MOB1B: variants seen among roughly 807,000 people sequenced by gnomAD.
MOB1B encodes the protein MOB kinase activator 1B.
In MOB1B, 19 loss-of-function variants were observed where a neutral mutation model predicts 24.4. The observed-to-expected ratio is 0.78, with a 90% CI of 0.54 to 1.14. MOB1B has a LOEUF of 1.14. Ranked by LOEUF, MOB1B falls within the 50% of genes most tolerant of loss-of-function variation. MOB1B has a pLI of 0.00. For synonymous variants in MOB1B, 76 were observed against 82.1 expected (o/e 0.93, Z 0.40); for missense variants, 243 against 259.6 (o/e 0.94, Z 0.44).
chr4:70,920,474 C>T (rs1187639617), intron 1 of MOB1B, among the ~76,000 whole-genome samples: 3 of 152,226 alleles, frequency 2.0e-5, no homozygotes, highest in Admixed American at 1.3e-4. Flanking sequence ...ATCTGCCTGC[C>T]TCGGCCTCCT....
At chr4:70,914,758 T>C (rs1360548403) in intron 1 of MOB1B, among the ~76,000 whole-genome samples, 1 of 152,228 alleles carries the variant, frequency 6.6e-6, no homozygotes, top group Non-Finnish European at 1.5e-5. Flanking sequence ...AGTTGTTTGC[T>C]CTGTCCCTGT....
intron 1 of MOB1B, among the ~76,000 whole-genome samples, chr4:70,921,759 G>C (rs977489749): frequency 1.3e-5 from 2 of 151,914 alleles, no homozygotes; most frequent in Non-Finnish European, 2.9e-5. Context: ...CACCCACCTT[G>C]GCCTCCCAAA....
At chr4:70,977,861 C>G (rs1459840857) in intron 4 of MOB1B, among the ~76,000 whole-genome samples, 3 of 151,980 alleles carry the variant, frequency 2.0e-5, no homozygotes, top group Non-Finnish European at 2.9e-5. Context: ...TAGCTAATTT[C>G]TAGTTTTTTG....
At chr4:70,926,667 G>A (rs1736667172) in intron 1 of MOB1B, among the ~76,000 whole-genome samples, 1 of 152,164 alleles carries the variant, frequency 6.6e-6, no homozygotes, top group Non-Finnish European at 1.5e-5. Flanking sequence ...AAAGCGAAGT[G>A]TTAGGTGCTT....
At chr4:70,970,299 C>A (rs1305071475) in intron 3 of MOB1B, among the ~76,000 whole-genome samples, 1 of 152,112 alleles carries the variant, frequency 6.6e-6, no homozygotes, top group Admixed American at 6.6e-5. Context: ...CTTGCTTATT[C>A]TCTTCTTCTC....
At chr4:70,973,083 A>G (rs922151256) in intron 3 of MOB1B, among the ~76,000 whole-genome samples, 1 of 152,068 alleles carries the variant, frequency 6.6e-6, no homozygotes, top group African/African-American at 2.4e-5. Flanking sequence ...TAATTATTTT[A>G]TTTTTCAAAA....
intron 1 of MOB1B, among the ~76,000 whole-genome samples, chr4:70,908,769 C>T (rs535575198): frequency 4.4e-4 from 8 of 18,262 alleles, no homozygotes; most frequent in East Asian, 1.7e-3. Context: ...AGTGAGACTT[C>T]GTCTTAAAAA....
chr4:70,975,813 C>A, intron 4 of MOB1B: 1 of 920,896 alleles, frequency 1.1e-6, no homozygotes, highest in African/African-American at 1.8e-5. Context: ...TAATCTTATG[C>A]ACTTACAGGT....
At position 70,985,304 on chromosome 4, in the gene MOB1B, G is replaced by A. The variant is rs1419674702; in HGVS notation, c.*3247G>A. 6.6e-6 allele frequency: 1 copy of A among 152,114 alleles called. No individual in the cohort carries two copies. Among genetic ancestry groups the A allele is most frequent in the Non-Finnish European group, 1.5e-5 (1 of 68,026 alleles). 9.4% of individuals were successfully genotyped at this position (152,114 alleles called of 1,614,324 possible). A position where few individuals can be genotyped will look rare whatever the true frequency, so the allele number is the denominator to read the frequency against. On this transcript the variant is annotated 3_prime_UTR_variant, in exon 6 of 6. Transcript: ENST00000309395. ...AGAACTTTCTTTTTAAGGTGAATAA[G>A]TCATGCCTTAACATCCAAATAAGAG...
intron 1 of MOB1B, among the ~76,000 whole-genome samples, chr4:70,947,718 C>T (rs115265319): frequency 1.3e-4 from 20 of 151,800 alleles, no homozygotes; most frequent in African/African-American, 4.6e-4. Flanking sequence ...CCTCAACACC[C>T]CTAGGCTCCT....
upstream of MOB1B, chr4:70,902,294 C>G: frequency 1.7e-6 from 1 of 594,552 alleles, no homozygotes; most frequent in Non-Finnish European, 3.0e-6. Context: ...GAGAGCCTGC[C>G]CCGCCTCCCT....
intron 1 of MOB1B, among the ~76,000 whole-genome samples, chr4:70,938,120 T>C (rs1737159361): frequency 6.6e-6 from 1 of 152,056 alleles, no homozygotes; most frequent in African/African-American, 2.4e-5. Context: ...CAGTGTCTGG[T>C]AACTCTTTTG....
At chr4:70,973,977 T>C (rs569862209) in intron 3 of MOB1B, among the ~76,000 whole-genome samples, 19 of 152,360 alleles carry the variant, frequency 1.2e-4, no homozygotes, top group African/African-American at 4.3e-4. Context: ...ACCTGTCATT[T>C]AGCCCAAACT....
chr4:70,927,796 G>A (rs187688205), intron 1 of MOB1B, among the ~76,000 whole-genome samples: 2 of 152,114 alleles, frequency 1.3e-5, no homozygotes, highest in African/African-American at 4.8e-5. Context: ...AGTTCACTTG[G>A]GCATTTCAGG....
At chr4:70,939,420 C>G (rs1184491682) in intron 1 of MOB1B, among the ~76,000 whole-genome samples, 2 of 152,182 alleles carry the variant, frequency 1.3e-5, no homozygotes, top group Admixed American at 6.5e-5. Flanking sequence ...TAGTTCACAC[C>G]TGTAATCTCA....
chr4:70,970,491 T>C (rs181041972), intron 3 of MOB1B, among the ~76,000 whole-genome samples: 109 of 152,376 alleles, frequency 7.2e-4, no homozygotes, highest in African/African-American at 2.5e-3. Flanking sequence ...ACTATTCATA[T>C]ATGTTTTATT....
At chr4:70,933,632 A>G (rs368063373) in intron 1 of MOB1B, among the ~76,000 whole-genome samples, 4 of 142,808 alleles carry the variant, frequency 2.8e-5, no homozygotes, top group Admixed American at 7.3e-5. Context: ...GCTCACTGCA[A>G]CCTCCGCCTC....
At chr4:70,947,443 T>G (rs1737630795) in intron 1 of MOB1B, among the ~76,000 whole-genome samples, 1 of 151,626 alleles carries the variant, frequency 6.6e-6, no homozygotes, top group Admixed American at 6.6e-5. Flanking sequence ...TGGCTAGGTT[T>G]TTTTCCCCCC....
chr4:70,913,055 G>A (rs1183681829), intron 1 of MOB1B, among the ~76,000 whole-genome samples: 1 of 152,212 alleles, frequency 6.6e-6, no homozygotes, highest in African/African-American at 2.4e-5. Flanking sequence ...ACCGGGCCCA[G>A]CCTGTGTTTT....
Sources: gnomAD v4.1 joint callset for allele counts (sites outside exome capture counted in the v4.1 genomes callset) on GRCh38, gnomAD v4.1.1 for gene constraint, MANE v1.5 for transcripts, NCBI Gene and HGNC (gene_info 2026-07-23, HGNC 2026-07-21) for gene names.